NKAIN3: variants seen among roughly 807,000 people sequenced by gnomAD.
NKAIN3 encodes sodium/potassium-transporting ATPase subunit beta-1-interacting protein 3.
Under a neutral mutation model 30.2 loss-of-function variants are expected in NKAIN3, and 25 were observed. The observed-to-expected ratio is 0.83, with a 90% CI of 0.60 to 1.16. The LOEUF is 1.16. Ranked by LOEUF, NKAIN3 falls within the 50% of genes most tolerant of loss-of-function variation. The probability of loss-of-function intolerance (pLI) is 0.00; values close to 1 mark genes in which losing one functional copy is unlikely to be tolerated. For missense variants in NKAIN3, 225 were observed against 254.1 expected (o/e 0.89, Z 0.78); for synonymous variants, 91 against 89.6 (o/e 1.02, Z -0.09).
intron 5 of NKAIN3, chr8:62,990,099 A>G: frequency 1.3e-6 from 1 of 781,604 alleles, no homozygotes; most frequent in Non-Finnish European, 2.1e-6. Context: ...GATTCAGCAA[A>G]TCATTTCAAT....
chr8:62,415,468 CT>C (rs1804415711), intron 1 of NKAIN3, among the ~76,000 whole-genome samples: 1 of 149,376 alleles, frequency 6.7e-6, no homozygotes, highest in South Asian at 2.1e-4. Context: ...AGCTGAGCAT[CT>C]TGGCTTGCCA....
chr8:62,529,289 T>C (rs1208814290), intron 1 of NKAIN3, among the ~76,000 whole-genome samples: 1 of 152,242 alleles, frequency 6.6e-6, no homozygotes, highest in African/African-American at 2.4e-5. Context: ...AGGCTGTCTG[T>C]AGTTTTACTT....
chr8:62,752,879 A>G (rs1158987098), intron 4 of NKAIN3, among the ~76,000 whole-genome samples: 1 of 152,204 alleles, frequency 6.6e-6, no homozygotes, highest in Non-Finnish European at 1.5e-5. Context: ...GATAAAAACT[A>G]TAGAGAAAAC....
chr8:62,798,828 A>G (rs533913586), intron 4 of NKAIN3, among the ~76,000 whole-genome samples: 36 of 152,306 alleles, frequency 2.4e-4, no homozygotes, highest in African/African-American at 8.2e-4. Flanking sequence ...AAGTAGGAAG[A>G]GTACCAAAAA....
chr8:62,534,929 C>G (rs1808607920), intron 1 of NKAIN3, among the ~76,000 whole-genome samples: 1 of 147,670 alleles, frequency 6.8e-6, no homozygotes, highest in Non-Finnish European at 1.5e-5. Context: ...AGAAAGTGTT[C>G]ATGAGCAGCT....
intron 1 of NKAIN3, among the ~76,000 whole-genome samples, chr8:62,322,525 C>G (rs1166130161): frequency 6.6e-6 from 1 of 152,128 alleles, no homozygotes; most frequent in African/African-American, 2.4e-5. Flanking sequence ...GTATATAATG[C>G]AGTATTCCAA....
chr8:62,791,328 G>C (rs892087611), intron 4 of NKAIN3, among the ~76,000 whole-genome samples: 4 of 152,130 alleles, frequency 2.6e-5, no homozygotes, highest in Admixed American at 2.6e-4. Flanking sequence ...AGGAGCCAAT[G>C]ATGACACCAC....
chr8:62,395,984 T>C (rs1380407283), intron 1 of NKAIN3, among the ~76,000 whole-genome samples: 1 of 152,232 alleles, frequency 6.6e-6, no homozygotes, highest in Non-Finnish European at 1.5e-5. Context: ...CCAGATTTAT[T>C]ACTTTATGAG....
At chr8:62,251,336 A>G (rs969100641) in intron 1 of NKAIN3, among the ~76,000 whole-genome samples, 2 of 152,118 alleles carry the variant, frequency 1.3e-5, no homozygotes, top group African/African-American at 4.8e-5. Flanking sequence ...TCTCTATGTA[A>G]AAGATGTGTA....
chr8:62,781,160 G>A (rs897347549), intron 4 of NKAIN3, among the ~76,000 whole-genome samples: 2 of 151,594 alleles, frequency 1.3e-5, no homozygotes, highest in Non-Finnish European at 2.9e-5. Flanking sequence ...AAGAAATCAA[G>A]AAGGCAATTC....
chr8:62,416,582 C>G (rs1300403344), intron 1 of NKAIN3, among the ~76,000 whole-genome samples: 1 of 152,162 alleles, frequency 6.6e-6, no homozygotes. Flanking sequence ...TGTTTTGATA[C>G]AGGCATGTAA....
chr8:62,992,212 A>G (rs542216711), intron 5 of NKAIN3, among the ~76,000 whole-genome samples: 12 of 151,850 alleles, frequency 7.9e-5, no homozygotes, highest in African/African-American at 2.9e-4. Flanking sequence ...GGGTTTTACC[A>G]TGTTGGCCAG....
intron 4 of NKAIN3, among the ~76,000 whole-genome samples, chr8:62,851,850 C>A (rs565286103): frequency 6.6e-6 from 1 of 152,108 alleles, no homozygotes; most frequent in Admixed American, 6.6e-5. Flanking sequence ...CTGCTGGATT[C>A]GGTTTGCCAG....
At chr8:62,868,032 G>T (rs1031789726) in intron 4 of NKAIN3, among the ~76,000 whole-genome samples, 1 of 152,204 alleles carries the variant, frequency 6.6e-6, no homozygotes, top group Non-Finnish European at 1.5e-5. Flanking sequence ...CCTTGTTCAA[G>T]ATTCCCATGT....
At chr8:62,827,208 T>C (rs1231991329) in intron 4 of NKAIN3, among the ~76,000 whole-genome samples, 9 of 152,204 alleles carry the variant, frequency 5.9e-5, no homozygotes. Flanking sequence ...ATAAAGTCTT[T>C]ATACAGTGCT....
At chr8:62,987,878 C>T (rs187188865), downstream of NKAIN3, among the ~76,000 whole-genome samples, 22 of 152,284 alleles carry the variant, frequency 1.4e-4, no homozygotes, top group Middle Eastern at 3.4e-3. Flanking sequence ...TCATCTGAGA[C>T]AAGGCAAATC....
chr8:62,377,682 G>A (rs938980474), intron 1 of NKAIN3, among the ~76,000 whole-genome samples: 4 of 152,040 alleles, frequency 2.6e-5, no homozygotes, highest in African/African-American at 9.7e-5. Context: ...TCTCATGATA[G>A]TGAGTGAGTT....
intron 2 of NKAIN3, among the ~76,000 whole-genome samples, chr8:62,580,904 TTTTA>T (rs879562087): frequency 2.5e-3 from 79 of 31,444 alleles, no homozygotes; most frequent in Non-Finnish European, 6.6e-3. Context: ...CAGCTAGGGT[TTTTA>T]TATATATATA....
chr8:62,446,476 A>G (rs951788115), intron 1 of NKAIN3, among the ~76,000 whole-genome samples: 1 of 152,104 alleles, frequency 6.6e-6, no homozygotes, highest in Non-Finnish European at 1.5e-5. Flanking sequence ...CATAACCTAC[A>G]ATTTACAATT....
Sources: allele counts gnomAD v4.1 joint callset (sites outside exome capture counted in the v4.1 genomes callset), GRCh38; gene constraint gnomAD v4.1.1; transcripts MANE v1.5; gene names NCBI Gene and HGNC (gene_info 2026-07-23, HGNC 2026-07-21).